NTRK3: variants seen among roughly 807,000 people sequenced by gnomAD.
NTRK3 encodes NT-3 growth factor receptor.
Under a neutral mutation model 91.7 loss-of-function variants are expected in NTRK3, and 24 were observed. That is an observed-to-expected ratio of 0.26 (90% CI 0.19 to 0.37). The LOEUF is 0.37. Among genes scored for constraint, NTRK3 ranks in the 10% least tolerant of loss-of-function variants. The pLI is 1.00. For missense variants in NTRK3, 880 were observed against 1,068.9 expected (o/e 0.82, Z 2.46); for synonymous variants, 483 against 404.0 (o/e 1.20, Z -2.34).
chr15:87,878,728 CT>C (rs2065069966), intron 18 of NTRK3, among the ~76,000 whole-genome samples: 1 of 152,198 alleles, frequency 6.6e-6, no homozygotes, highest in Non-Finnish European at 1.5e-5. Flanking sequence ...GAAAGCCTGC[CT>C]TTAAGGCCAA....
At chr15:88,141,141 G>C (rs1029614727) in intron 6 of NTRK3, among the ~76,000 whole-genome samples, 1 of 152,172 alleles carries the variant, frequency 6.6e-6, no homozygotes, top group African/African-American at 2.4e-5. Context: ...CCTAGAAGGG[G>C]AAAGGGAAGG....
At chr15:87,865,755 T>G (rs558824797) in exon 19 of NTRK3, 1 of 226,496 alleles carries the variant, frequency 4.4e-6, no homozygotes, top group South Asian at 1.8e-4. Context: ...CTACAAAATG[T>G]CAGAGTTCCA....
intron 3 of NTRK3, among the ~76,000 whole-genome samples, chr15:88,221,218 G>A (rs567692601): frequency 4.3e-4 from 65 of 152,284 alleles, no homozygotes; most frequent in Middle Eastern, 3.4e-3. Context: ...TGGCAATTAC[G>A]GCTCCCAGAG....
At chr15:88,138,185 C>A (rs1034719117) in intron 6 of NTRK3, among the ~76,000 whole-genome samples, 1 of 152,102 alleles carries the variant, frequency 6.6e-6, no homozygotes, top group Admixed American at 6.5e-5. Context: ...GGGAGGATCA[C>A]AAGGTCAGGA....
intron 15 of NTRK3, among the ~76,000 whole-genome samples, chr15:87,939,368 T>C (rs2069590725): frequency 6.6e-6 from 1 of 152,266 alleles, no homozygotes; most frequent in African/African-American, 2.4e-5. Context: ...ATTGCTATTA[T>C]ACAGATAAGG....
intron 10 of NTRK3, among the ~76,000 whole-genome samples, chr15:88,131,547 G>A (rs2041348299): frequency 6.6e-6 from 1 of 152,198 alleles, no homozygotes; most frequent in African/African-American, 2.4e-5. Context: ...ACTGGGGCAG[G>A]GGGAGGATGG....
intron 3 of NTRK3, among the ~76,000 whole-genome samples, chr15:88,221,474 C>A (rs1224301975): frequency 1.3e-5 from 2 of 152,158 alleles, no homozygotes; most frequent in Admixed American, 1.3e-4. Context: ...TAACCTGATC[C>A]TGATGCAATG....
intron 15 of NTRK3, among the ~76,000 whole-genome samples, chr15:87,935,981 G>A (rs2069240341): frequency 6.6e-6 from 1 of 152,198 alleles, no homozygotes; most frequent in African/African-American, 2.4e-5. Context: ...GGCAACTAGG[G>A]TTGGGAGCTG....
intron 6 of NTRK3, among the ~76,000 whole-genome samples, chr15:88,143,317 G>T (rs984809456): frequency 6.6e-6 from 1 of 152,234 alleles, no homozygotes; most frequent in Non-Finnish European, 1.5e-5. Context: ...AGGTTGAAGT[G>T]ATGCTGCCAC....
At chr15:88,183,212 G>C (rs1029093275) in intron 5 of NTRK3, among the ~76,000 whole-genome samples, 2 of 152,136 alleles carry the variant, frequency 1.3e-5, no homozygotes, top group Admixed American at 1.3e-4. Flanking sequence ...CCTGGTCCTA[G>C]ATTTTTCCTT....
intron 13 of NTRK3, among the ~76,000 whole-genome samples, chr15:88,066,614 G>GGGGAGAAGAACAGAGACAAGGGAT (rs1364396908): frequency 6.6e-6 from 1 of 152,188 alleles, no homozygotes; most frequent in East Asian, 1.9e-4. Flanking sequence ...AGACAAGGGA[G>GGGGAGAAGAACAGAGACAAGGGAT]GGGAGAAGCA....
At chr15:88,109,318 G>A (rs1200348415) in intron 13 of NTRK3, among the ~76,000 whole-genome samples, 1 of 152,192 alleles carries the variant, frequency 6.6e-6, no homozygotes, top group African/African-American at 2.4e-5. Context: ...CTGCAGGAGG[G>A]AGAGAAGAGG....
chr15:88,092,982 A>G (rs2049167694), intron 13 of NTRK3, among the ~76,000 whole-genome samples: 1 of 151,586 alleles, frequency 6.6e-6, no homozygotes, highest in Non-Finnish European at 1.5e-5. Context: ...CTTTCCCTGT[A>G]CAAGATGACA....
chr15:87,894,010 T>C (rs922569170), intron 17 of NTRK3, among the ~76,000 whole-genome samples: 1 of 152,188 alleles, frequency 6.6e-6, no homozygotes, highest in Admixed American at 6.5e-5. Context: ...TATCAGGAGA[T>C]TGTCATAAAG....
chr15:88,068,394 G>A (rs2046833885), intron 13 of NTRK3, among the ~76,000 whole-genome samples: 1 of 152,114 alleles, frequency 6.6e-6, no homozygotes, highest in Non-Finnish European at 1.5e-5. Context: ...TTGTGCCATT[G>A]CACTCCAGCC....
intron 14 of NTRK3, among the ~76,000 whole-genome samples, chr15:88,021,246 C>T (rs776377521): frequency 7.9e-5 from 12 of 152,212 alleles, no homozygotes; most frequent in Non-Finnish European, 1.6e-4. Context: ...TCCTGTCCCT[C>T]CGAGGGGCTT....
rs74267908 is a variant in NTRK3, at chr15:88,240,053, GACACACACAC to G, written c.248+15843_248+15852del. Among the ~76,000 whole-genome samples the G allele has an allele frequency of 1.3e-5, 2 of 148,900 alleles. No homozygotes were observed. The highest frequency in any genetic ancestry group is 6.7e-5 in the Admixed American group (1 of 14,944). On this transcript the variant is annotated intron_variant, in intron 3 of 18. Transcript: ENST00000394480. The surrounding 1 kb of genome is among the most constrained non-coding windows in gnomAD (Gnocchi z 4.9). ...ATATACACACACAGCGACACACACAGACACACACACACACACACACAGGAACAAGGTTCCC... is the reference window on the plus strand; with the variant it reads ...ATATACACACACAGCGACACACACAGACACACACACAGGAACAAGGTTCCC...
At chr15:87,934,349 A>T (rs1203673316) in intron 15 of NTRK3, among the ~76,000 whole-genome samples, 6 of 152,196 alleles carry the variant, frequency 3.9e-5, no homozygotes, top group African/African-American at 1.4e-4. Context: ...TGAGTGTAAT[A>T]TTGGCTCACC....
chr15:87,906,254 T>C lies in NTRK3; in HGVS notation c.2133+22937A>G, dbSNP rs572417193. On this transcript the variant is annotated intron_variant, in intron 17 of 18. Coordinates refer to ENST00000394480, the Ensembl canonical transcript of NTRK3. ...ATGAGAACAGAATAAATTAAACAAA[T>C]TAATTTACTCAAAGCCCCTATCAAG... Among the ~76,000 whole-genome samples, 10 of 152,300 alleles carry C rather than the reference T, an allele frequency of 6.6e-5. No homozygotes were observed. In the South Asian group the frequency reaches 1.9e-3, roughly 28 times the overall value.
Sources: gnomAD v4.1 joint callset for allele counts (sites outside exome capture counted in the v4.1 genomes callset) on GRCh38, gnomAD v4.1.1 for gene constraint, Gnocchi (gnomAD v3.1) non-coding constraint, MANE v1.5 for transcripts, NCBI Gene and HGNC (gene_info 2026-07-23, HGNC 2026-07-21) for gene names.